Variants in SIPA1L3 observed in about 807,000 individuals in gnomAD.
SIPA1L3 encodes signal induced proliferation associated 1 like 3.
Under a neutral mutation model 150.1 loss-of-function variants are expected in SIPA1L3, and 59 were observed. The ratio of observed to expected loss-of-function variants is 0.39; its 90% CI spans 0.32 to 0.49. The LOEUF is 0.49. Among genes scored for constraint, SIPA1L3 ranks in the 20% least tolerant of loss-of-function variants. The probability of loss-of-function intolerance (pLI) is 0.86; values close to 1 mark genes in which losing one functional copy is unlikely to be tolerated. For missense variants in SIPA1L3, 2,211 were observed against 2,489.5 expected, an observed-to-expected ratio of 0.89 and a Z score of 2.38; for synonymous variants, 1,070 against 1,077.6, an observed-to-expected ratio of 0.99 and a Z score of 0.14.
intron 1 of SIPA1L3, among the ~76,000 whole-genome samples, chr19:37,930,231 C>T (rs1468388380): frequency 6.6e-6 from 1 of 151,988 alleles, no homozygotes; most frequent in Non-Finnish European, 1.5e-5. Flanking sequence ...CTGTGTTAGT[C>T]TCGATCTCCT....
chr19:38,125,028 A>AGGGAGAGGGAGACCGTG (rs2145908127), intron 9 of SIPA1L3, among the ~76,000 whole-genome samples: 1 of 149,934 alleles, frequency 6.7e-6, no homozygotes, highest in South Asian at 2.2e-4. Context: ...GGAGAGGGAG[A>AGGGAGAGGGAGACCGTG]GGGAGAGGGA....
chr19:38,147,896 G>C (rs981617233), intron 12 of SIPA1L3, among the ~76,000 whole-genome samples: 1 of 152,136 alleles, frequency 6.6e-6, no homozygotes, highest in Non-Finnish European at 1.5e-5. Flanking sequence ...TGAGAACCCG[G>C]GACTATGGTT....
chr19:38,112,691 C>T (rs972303986), intron 8 of SIPA1L3, among the ~76,000 whole-genome samples: 3 of 152,138 alleles, frequency 2.0e-5, no homozygotes, highest in African/African-American at 7.2e-5. Flanking sequence ...TCCCTCTTTC[C>T]TTCATTTTTA....
At chr19:38,042,364 A>G (rs1968945155) in intron 2 of SIPA1L3, among the ~76,000 whole-genome samples, 1 of 152,170 alleles carries the variant, frequency 6.6e-6, no homozygotes, top group Non-Finnish European at 1.5e-5. Flanking sequence ...TTGTAATATA[A>G]TTTTAAATCA....
At chr19:38,039,885 A>G (rs565109766) in intron 2 of SIPA1L3, among the ~76,000 whole-genome samples, 2 of 152,096 alleles carry the variant, frequency 1.3e-5, no homozygotes, top group South Asian at 4.2e-4. Flanking sequence ...TTTGGGAAGC[A>G]TAGGAGGATC....
intron 1 of SIPA1L3, among the ~76,000 whole-genome samples, chr19:38,018,581 G>A (rs142150842): frequency 2.1e-3 from 317 of 152,214 alleles, no homozygotes; most frequent in African/African-American, 7.3e-3. Flanking sequence ...TCCATGTCAC[G>A]CATGGATTCT....
chr19:38,056,323 GC>G (rs1176390196), intron 2 of SIPA1L3, among the ~76,000 whole-genome samples: 4 of 152,190 alleles, frequency 2.6e-5, no homozygotes, highest in South Asian at 4.1e-4. Flanking sequence ...TCGGGCCACT[GC>G]CCCCCTAAAC....
At chr19:38,148,777 C>A (rs1406277404) in intron 12 of SIPA1L3, among the ~76,000 whole-genome samples, 2 of 152,210 alleles carry the variant, frequency 1.3e-5, no homozygotes, top group African/African-American at 4.8e-5. Context: ...AGAGTCAGTA[C>A]CTCCAGCTTC....
At chr19:38,177,401 A>G (rs1285347338) in intron 15 of SIPA1L3, among the ~76,000 whole-genome samples, 3 of 151,446 alleles carry the variant, frequency 2.0e-5, no homozygotes, top group Admixed American at 2.0e-4. Context: ...TGCCAGGCGC[A>G]GTGACTCATG....
chr19:38,083,119 T>G lies in SIPA1L3; in HGVS notation c.1534+20T>G, dbSNP rs778202446. On this transcript the variant is annotated intron_variant, in intron 3 of 21. Transcript: ENST00000222345. ...GCAAAGGTGACGGATGGCGTGTGGG[T>G]GGGAAGGTTGGGTGGGCCGAGGCTT... 16 of 1,592,338 alleles carry G rather than the reference T, an allele frequency of 1.0e-5. No homozygotes were observed. Among genetic ancestry groups the G allele is most frequent in the Non-Finnish European group, 1.0e-5 (12 of 1,171,448 alleles).
intron 2 of SIPA1L3, among the ~76,000 whole-genome samples, chr19:38,032,000 C>T (rs971410046): frequency 6.6e-5 from 10 of 152,236 alleles, no homozygotes; most frequent in Middle Eastern, 6.8e-3. Context: ...TGAGGCTATG[C>T]TAATATCCCA....
At chr19:38,077,451 TA>T (rs969734128) in intron 2 of SIPA1L3, among the ~76,000 whole-genome samples, 6 of 151,294 alleles carry the variant, frequency 4.0e-5, no homozygotes, top group African/African-American at 1.5e-4. Context: ...ACCCTGTCTC[TA>T]AAAAAAATAA....
chr19:38,141,262 C>G lies in SIPA1L3; in HGVS notation c.3222C>G (p.Pro1074=). 1 of 1,613,832 alleles carries G rather than the reference C, an allele frequency of 6.2e-7. No individual in the cohort carries two copies. Among genetic ancestry groups the G allele is most frequent in the East Asian group, 2.2e-5 (1 of 44,836 alleles). Residue 1074 remains proline, a synonymous_variant, in exon 11 of 22, where the codon CCC becomes CCG. Transcript: ENST00000222345. ...EQESITPGGR[P]PYRSNAPWQW... ...AAAGCATCACTCCTGGGGGCCGGCC[C>G]CCCTACCGCAGCAATGCTCCCTGGC... is the stretch of plus-strand genomic sequence containing the variant.
At chr19:38,126,040 G>C (rs1444131974) in intron 9 of SIPA1L3, among the ~76,000 whole-genome samples, 1 of 152,162 alleles carries the variant, frequency 6.6e-6, no homozygotes, top group Non-Finnish European at 1.5e-5. Flanking sequence ...CGGGCGTGGT[G>C]GCGGGCTCCT....
intron 8 of SIPA1L3, among the ~76,000 whole-genome samples, chr19:38,117,382 G>T (rs1172858227): frequency 6.6e-6 from 1 of 152,174 alleles, no homozygotes; most frequent in Non-Finnish European, 1.5e-5. Flanking sequence ...CACTTTGGGA[G>T]GCCAGGGTGG....
intron 20 of SIPA1L3, among the ~76,000 whole-genome samples, chr19:38,202,326 G>T (rs139790453): frequency 1.3e-5 from 2 of 152,110 alleles, no homozygotes; most frequent in Non-Finnish European, 2.9e-5. Flanking sequence ...GGTGGCTCAC[G>T]CCTGTAAACC....
intron 2 of SIPA1L3, among the ~76,000 whole-genome samples, chr19:38,045,533 C>T (rs1236974456): frequency 6.6e-6 from 1 of 152,034 alleles, no homozygotes; most frequent in African/African-American, 2.4e-5. Context: ...GATCACGCCA[C>T]TGCACTCCAG....
intron 19 of SIPA1L3, among the ~76,000 whole-genome samples, chr19:38,198,842 C>A (rs887959176): frequency 8.5e-5 from 13 of 152,216 alleles, no homozygotes; most frequent in Admixed American, 6.5e-5. Flanking sequence ...GTAATCCCAG[C>A]ACTCTGAGAG....
intron 1 of SIPA1L3, among the ~76,000 whole-genome samples, chr19:38,015,221 C>T (rs1968205315): frequency 3.9e-5 from 6 of 152,224 alleles, no homozygotes; most frequent in Admixed American, 3.9e-4. Context: ...TTCATTCTTA[C>T]CAGAATAGTG....
Sources: gnomAD v4.1 joint callset for allele counts (sites outside exome capture counted in the v4.1 genomes callset) on GRCh38, gnomAD v4.1.1 for gene constraint, MANE v1.5 for transcripts, NCBI Gene and HGNC (gene_info 2026-07-23, HGNC 2026-07-21) for gene names.